The following DCAF6 variants were observed in gnomAD, a reference collection of about 807,000 sequenced individuals.
DCAF6 encodes the protein DDB1- and CUL4-associated factor 6.
DCAF6 carries 54 observed loss-of-function variants against 125.1 expected under a neutral mutation model. That is an observed-to-expected ratio of 0.43 (90% CI 0.35 to 0.54). The LOEUF is 0.54. Among genes scored for constraint, DCAF6 ranks in the 20% least tolerant of loss-of-function variants. DCAF6 has a pLI of 0.01. For synonymous variants in DCAF6, 371 were observed against 390.4 expected, an observed-to-expected ratio of 0.95 and a Z score of 0.58; for missense variants, 934 against 1,161.7, an observed-to-expected ratio of 0.80 and a Z score of 2.85.
At chr1:168,050,026 T>TA (rs1262918578) in intron 16 of DCAF6, among the ~76,000 whole-genome samples, 2 of 150,088 alleles carry the variant, frequency 1.3e-5, no homozygotes, top group Non-Finnish European at 3.0e-5. Context: ...TGGTAGCTCT[T>TA]ACTGTTTCTA....
At chr1:167,899,399 T>C in the DCAF6 span, 1 of 1,612,908 alleles carries the variant, frequency 6.2e-7, no homozygotes, top group Non-Finnish European at 8.5e-7. Context: ...CAGAACTTTC[T>C]GTAAGTAGCA....
At chr1:167,960,690 CTG>C (rs1040933974) in intron 2 of DCAF6, among the ~76,000 whole-genome samples, 1 of 152,134 alleles carries the variant, frequency 6.6e-6, no homozygotes. Context: ...AGAGTAGACA[CTG>C]TATGATTTTT....
the DCAF6 span, among the ~76,000 whole-genome samples, chr1:167,921,071 T>C: frequency 6.6e-5 from 10 of 152,312 alleles, no homozygotes; most frequent in South Asian, 2.1e-3. Context: ...TCTGCCAATG[T>C]TATCATTTTT....
At chr1:167,941,440 G>A (rs1388799001) in intron 1 of DCAF6, among the ~76,000 whole-genome samples, 1 of 152,164 alleles carries the variant, frequency 6.6e-6, no homozygotes, top group Non-Finnish European at 1.5e-5. Context: ...CTTTAGGTCA[G>A]TGTTTTTAAA....
At chr1:167,868,698 T>C in the DCAF6 span, among the ~76,000 whole-genome samples, 19 of 152,222 alleles carry the variant, frequency 1.2e-4, no homozygotes, top group Non-Finnish European at 2.5e-4. Context: ...GGCGAACTCC[T>C]GGGCTTCCCT....
the DCAF6 span, chr1:167,880,589 G>C: frequency 1.9e-6 from 3 of 1,613,870 alleles, no homozygotes; most frequent in Non-Finnish European, 2.5e-6. Flanking sequence ...GGAAGCCAAA[G>C]ACACAGAGGA....
the DCAF6 span, among the ~76,000 whole-genome samples, chr1:167,894,611 G>GA: frequency 6.6e-6 from 1 of 150,762 alleles, no homozygotes; most frequent in African/African-American, 2.5e-5. Context: ...ATGATAATGT[G>GA]AAAAAAAATG....
intron 1 of DCAF6, among the ~76,000 whole-genome samples, chr1:167,937,432 G>A (rs1328829506): frequency 6.6e-6 from 1 of 152,150 alleles, no homozygotes; most frequent in East Asian, 1.9e-4. Flanking sequence ...TCTCCAGAGG[G>A]TTTAGGTGTC....
the DCAF6 span, chr1:167,878,417 A>T: frequency 6.2e-7 from 1 of 1,608,298 alleles, no homozygotes; most frequent in Non-Finnish European, 8.5e-7. Flanking sequence ...TTACTAAAAT[A>T]TACTTCAAAA....
In DCAF6 at chr1:167,993,384, A is replaced by G; in HGVS notation, c.847A>G (p.Lys283Glu). The change falls in exon 7 of 22, where the codon AAA becomes GAA. Residue 283 changes from lysine (K) to glutamate (E), a missense_variant. By Grantham distance (56) the Lys-to-Glu change is moderately conservative (BLOSUM62 1). This residue lies in a region of DCAF6 where 309 missense variants were observed against 381.2 expected (regional missense o/e 0.81). Coordinates refer to ENST00000367840, the MANE Select transcript of DCAF6 (RefSeq NM_001198956.2). The part of the protein sequence containing the change: ...SSDYIYLFDP[K>E]DDTARELKTP... ...AGATTACATATATCTTTTTGACCCG[A>G]AAGATGATACAGCACGAGAACTTAA... 6.2e-7 allele frequency: 1 copy of G among 1,613,926 alleles called. No individual in the cohort carries two copies. Among genetic ancestry groups the G allele is most frequent in the Non-Finnish European group, 8.5e-7 (1 of 1,179,856 alleles).
chr1:167,990,561 A>T (rs185811922), intron 5 of DCAF6, among the ~76,000 whole-genome samples: 258 of 152,298 alleles, frequency 1.7e-3, no homozygotes, highest in Admixed American at 7.4e-3. Flanking sequence ...GATGTTCATT[A>T]TTCATGAGTA....
At chr1:167,943,504 G>A (rs1315767134) in intron 1 of DCAF6, among the ~76,000 whole-genome samples, 1 of 147,216 alleles carries the variant, frequency 6.8e-6, no homozygotes, top group African/African-American at 2.7e-5. Context: ...TATTTTAGAT[G>A]ATATTTTTAT....
the DCAF6 span, among the ~76,000 whole-genome samples, chr1:167,868,980 C>T: frequency 6.6e-6 from 1 of 152,142 alleles, no homozygotes; most frequent in African/African-American, 2.4e-5. Flanking sequence ...GATTGGCTCT[C>T]GACTACTTCT....
chr1:167,966,742 T>C, intron 3 of DCAF6, 21 bp downstream of exon 3: 2 of 1,394,170 alleles, frequency 1.4e-6, no homozygotes, highest in Admixed American at 2.0e-5. Context: ...TTAAAAAATC[T>C]GTAATTTAAT....
the DCAF6 span, among the ~76,000 whole-genome samples, chr1:167,929,320 T>C: frequency 4.0e-5 from 6 of 151,890 alleles, no homozygotes; most frequent in Non-Finnish European, 4.4e-5. Flanking sequence ...GATTGCACCA[T>C]TGCACTCCAG....
At chr1:168,043,596 T>G (rs1688809761) in intron 14 of DCAF6, among the ~76,000 whole-genome samples, 1 of 152,162 alleles carries the variant, frequency 6.6e-6, no homozygotes, top group Non-Finnish European at 1.5e-5. Flanking sequence ...ATAGAATATT[T>G]TTATATGACA....
At chr1:167,913,847 C>A in the DCAF6 span, 1 of 152,236 alleles carries the variant, frequency 6.6e-6, no homozygotes, top group African/African-American at 2.4e-5. Context: ...GAGGTATACA[C>A]AAACTTGAAC....
chr1:167,879,049 T>C, the DCAF6 span, among the ~76,000 whole-genome samples: 1 of 152,218 alleles, frequency 6.6e-6, no homozygotes, highest in Non-Finnish European at 1.5e-5. Flanking sequence ...TGCATGCTCC[T>C]ATGAATAAAC....
the DCAF6 span, among the ~76,000 whole-genome samples, chr1:167,891,985 T>G: frequency 6.6e-6 from 1 of 151,736 alleles, no homozygotes; most frequent in Non-Finnish European, 1.5e-5. Context: ...TCTTTTTTTT[T>G]TTTTTAGAGA....
Sources: gnomAD v4.1 joint callset for allele counts (sites outside exome capture counted in the v4.1 genomes callset) on GRCh38, gnomAD v4.1.1 for gene constraint, gnomAD v4.1.1 regional missense constraint, MANE v1.5 for transcripts, NCBI Gene and HGNC (gene_info 2026-07-23, HGNC 2026-07-21) for gene names.